The following TRDN variants were observed in gnomAD, a reference collection of about 807,000 sequenced individuals.
TRDN encodes triadin in skeletal muscle.
TRDN carries 161 observed loss-of-function variants against 149.7 expected under a neutral mutation model. That is an observed-to-expected ratio of 1.08 (90% CI 0.95 to 1.23). TRDN has a LOEUF of 1.23. Among genes scored for constraint, TRDN ranks in the 50% most tolerant of loss-of-function variants. TRDN has a pLI of 0.00. For missense variants in TRDN, 896 were observed against 823.5 expected (o/e 1.09, Z -1.08); for synonymous variants, 294 against 250.5 (o/e 1.17, Z -1.64).
At chr6:123,271,039 C>CTCTG in intron 30 of TRDN, 100 bp downstream of exon 30, 1 of 419,538 alleles carries the variant, frequency 2.4e-6, no homozygotes. Flanking sequence ...CAGTGAAGGG[C>CTCTG]TGTGTGTGTG....
chr6:123,613,307 C>T (rs967089655), intron 1 of TRDN, among the ~76,000 whole-genome samples: 5 of 152,100 alleles, frequency 3.3e-5, no homozygotes, highest in African/African-American at 7.2e-5. Flanking sequence ...TTAAAATAAA[C>T]GTAATGATTT....
In TRDN at chr6:123,240,233, C is replaced by T. The variant is rs1482593747; in HGVS notation, c.1975+12179G>A. ...GTTACTTTGTATGTATCAGAAACTA[C>T]ATAATAAAGTATTTTTAAAGAACAA... On this transcript the variant is annotated intron_variant, in intron 38 of 40. Transcript: ENST00000334268. Among the ~76,000 whole-genome samples, 3 of 151,492 alleles carry T rather than the reference C, an allele frequency of 2.0e-5. No individual in the cohort carries two copies. The East Asian group carries it at 5.8e-4, about 29-fold the overall frequency.
chr6:123,255,638 T>C (rs567216273), intron 36 of TRDN, among the ~76,000 whole-genome samples: 1 of 152,294 alleles, frequency 6.6e-6, no homozygotes, highest in Non-Finnish European at 1.5e-5. Flanking sequence ...AACAAACTGA[T>C]GCTTATTTGC....
chr6:123,569,730 C>A (rs1562395505), intron 2 of TRDN, among the ~76,000 whole-genome samples: 1 of 151,910 alleles, frequency 6.6e-6, no homozygotes, highest in Non-Finnish European at 1.5e-5. Context: ...CAGGGAGGTG[C>A]CACACACTTA....
chr6:123,423,574 T>C (rs1489881062), intron 12 of TRDN, among the ~76,000 whole-genome samples: 3 of 152,156 alleles, frequency 2.0e-5, no homozygotes, highest in African/African-American at 7.2e-5. Context: ...GGATGTTTAT[T>C]TGAGTAATAA....
intron 38 of TRDN, among the ~76,000 whole-genome samples, chr6:123,228,750 A>C (rs1775482781): frequency 6.6e-6 from 1 of 152,028 alleles, no homozygotes; most frequent in South Asian, 2.1e-4. Context: ...TCTAGTACCC[A>C]TGCATTATGT....
intron 26 of TRDN, among the ~76,000 whole-genome samples, chr6:123,275,091 G>T (rs933368158): frequency 1.3e-5 from 2 of 152,056 alleles, no homozygotes; most frequent in African/African-American, 4.8e-5. Context: ...CTTTGAAATA[G>T]ATCTAATTGG....
At chr6:123,218,799 G>C in intron 40 of TRDN, 59 bp from the exon 41 acceptor site, 2 of 1,522,042 alleles carry the variant, frequency 1.3e-6, no homozygotes, top group Non-Finnish European at 1.8e-6. Context: ...AAAAAGCACA[G>C]TGAGGCAGTG....
At chr6:123,358,900 T>C (rs1469747482) in intron 20 of TRDN, among the ~76,000 whole-genome samples, 2 of 152,166 alleles carry the variant, frequency 1.3e-5, no homozygotes, top group South Asian at 2.1e-4. Flanking sequence ...GTCCCTCATA[T>C]GACACATATT....
intron 1 of TRDN, among the ~76,000 whole-genome samples, chr6:123,597,126 A>C (rs1458232558): frequency 6.6e-6 from 1 of 152,114 alleles, no homozygotes; most frequent in Non-Finnish European, 1.5e-5. Context: ...TTGGGATTCA[A>C]AGTAGGAGGT....
At chr6:123,266,330 TATG>T (rs1417065897) in intron 32 of TRDN, among the ~76,000 whole-genome samples, 5 of 112,050 alleles carry the variant, frequency 4.5e-5, no homozygotes, top group Non-Finnish European at 8.2e-5. Flanking sequence ...TATTATATAT[TATG>T]ATATGTATTA....
At chr6:123,381,171 T>C (rs996942314) in intron 16 of TRDN, among the ~76,000 whole-genome samples, 199 bp downstream of exon 16, 11 of 151,770 alleles carry the variant, frequency 7.2e-5, no homozygotes, top group Non-Finnish European at 1.6e-4. Context: ...TGAGAAAGAG[T>C]TCTAAAAATG....
intron 8 of TRDN, among the ~76,000 whole-genome samples, chr6:123,500,531 G>A (rs972924468): frequency 6.6e-6 from 1 of 152,044 alleles, no homozygotes; most frequent in African/African-American, 2.4e-5. Flanking sequence ...AAATTGTCCT[G>A]CCATTCTAAC....
chr6:123,443,546 AC>A (rs1319456163), intron 10 of TRDN, among the ~76,000 whole-genome samples: 2 of 152,080 alleles, frequency 1.3e-5, no homozygotes, highest in Admixed American at 1.3e-4. Context: ...TAATCTCAGC[AC>A]TTTGGGAGGC....
intron 21 of TRDN, chr6:123,352,338 C>T (rs1460930934): frequency 1.0e-6 from 1 of 984,870 alleles, no homozygotes; most frequent in African/African-American, 1.7e-5. Flanking sequence ...AACTGATATT[C>T]AAAGTTCAGT....
intron 1 of TRDN, 125 bp from the exon 2 acceptor site, chr6:123,571,257 A>G: frequency 1.0e-6 from 1 of 983,772 alleles, no homozygotes; most frequent in Non-Finnish European, 1.5e-6. Context: ...ACAACTCCTT[A>G]GTGGCAGGAC....
intron 2 of TRDN, among the ~76,000 whole-genome samples, chr6:123,552,052 G>A (rs991783419): frequency 1.3e-5 from 2 of 152,094 alleles, no homozygotes; most frequent in Non-Finnish European, 2.9e-5. Context: ...CGATGACATT[G>A]CTAAGGCCTT....
chr6:123,565,037 G>T (rs781335596), intron 2 of TRDN, among the ~76,000 whole-genome samples: 1 of 152,244 alleles, frequency 6.6e-6, no homozygotes, highest in Non-Finnish European at 1.5e-5. Context: ...GCCTTAGTTT[G>T]TAGTCATTTC....
At chr6:123,420,600 A>G (rs1487681251) in intron 12 of TRDN, among the ~76,000 whole-genome samples, 1 of 152,208 alleles carries the variant, frequency 6.6e-6, no homozygotes, top group Non-Finnish European at 1.5e-5. Flanking sequence ...ATAAAGACAA[A>G]GTAAATGCAG....
Sources: gnomAD v4.1 joint callset for allele counts (sites outside exome capture counted in the v4.1 genomes callset) on GRCh38, gnomAD v4.1.1 for gene constraint, MANE v1.5 for transcripts, NCBI Gene and HGNC (gene_info 2026-07-23, HGNC 2026-07-21) for gene names.